The following MCC variants were observed in gnomAD, a reference collection of about 807,000 sequenced individuals.
The protein encoded by MCC is colorectal mutant cancer protein.
A neutral mutation model predicts 116.2 loss-of-function variants in MCC; 90 were observed. That is an observed-to-expected ratio of 0.77 (90% confidence interval 0.65 to 0.92). The LOEUF is 0.92. MCC is among the 40% of genes least tolerant of loss of function. MCC has a pLI of 0.00. For missense variants in MCC, 1,516 were observed against 1,312.2 expected (o/e 1.16, Z -2.40); for synonymous variants, 578 against 510.5 (o/e 1.13, Z -1.78).
intron 3 of MCC, among the ~76,000 whole-genome samples, chr5:113,233,192 T>C (rs571584819): frequency 6.6e-6 from 1 of 152,276 alleles, no homozygotes; most frequent in Admixed American, 6.5e-5. Flanking sequence ...AAACAAACTG[T>C]TTTGGAACCA....
At chr5:113,302,352 A>C (rs1766883263) in intron 3 of MCC, among the ~76,000 whole-genome samples, 1 of 152,190 alleles carries the variant, frequency 6.6e-6, no homozygotes, top group African/African-American at 2.4e-5. Flanking sequence ...ATGAGAAACC[A>C]CCAAAAGAAA....
At chr5:113,044,520 A>G (rs13185006) in intron 16 of MCC, 964,148 of 979,680 alleles carry the variant, frequency 0.98, 474,453 homozygotes, top group East Asian at 1. Context: ...CAAGCTGCAG[A>G]CCTGAGAATA....
intron 2 of MCC, among the ~76,000 whole-genome samples, chr5:113,360,878 T>C (rs1263652649): frequency 1.3e-5 from 2 of 152,320 alleles, no homozygotes; most frequent in African/African-American, 4.8e-5. Context: ...AGTTGCTACC[T>C]GTGCAAAGCA....
intron 3 of MCC, among the ~76,000 whole-genome samples, chr5:113,222,342 C>G (rs1455496278): frequency 6.6e-6 from 1 of 152,082 alleles, no homozygotes; most frequent in African/African-American, 2.4e-5. Flanking sequence ...TTTTTACATC[C>G]ATGTTCACAA....
chr5:113,413,517 G>C (rs2150403797), intron 1 of MCC, among the ~76,000 whole-genome samples: 1 of 152,282 alleles, frequency 6.6e-6, no homozygotes, highest in South Asian at 2.1e-4. Context: ...TATGTGTCCA[G>C]GAATTTATCT....
At chr5:113,381,200 C>T (rs769221651) in intron 2 of MCC, among the ~76,000 whole-genome samples, 23 of 152,070 alleles carry the variant, frequency 1.5e-4, no homozygotes, top group Non-Finnish European at 2.2e-4. Context: ...TACTTTTGCA[C>T]GCGAGACAGT....
At chr5:113,035,645 C>G (rs1409038290) in intron 17 of MCC, among the ~76,000 whole-genome samples, 1 of 152,154 alleles carries the variant, frequency 6.6e-6, no homozygotes, top group Non-Finnish European at 1.5e-5. Flanking sequence ...CAGCCAGGGC[C>G]TCTTCCGGAT....
Position 113,046,710 on chromosome 5 carries a change from A to AAAAAAAAAAAAAAAAAAAAG in MCC, c.2655+2382_2655+2383insCTTTTTTTTTTTTTTTTTTT. The stretch of plus-strand genomic sequence containing the variant: ...CAAAAAAAAAAAAAAAAAAAAAAAA[A>AAAAAAAAAAAAAAAAAAAAG]AGAGAGAGATTTTGAAGGTGTTTGT... On this transcript the variant is annotated intron_variant, in intron 16 of 18. Coordinates refer to ENST00000408903, the MANE Select transcript of MCC (RefSeq NM_001085377.2). Among the ~76,000 whole-genome samples the AAAAAAAAAAAAAAAAAAAAG allele has an allele frequency of 2.9e-3, 302 of 102,432 alleles. 51 individuals carry two copies. Among genetic ancestry groups the AAAAAAAAAAAAAAAAAAAAG allele is most frequent in the Middle Eastern group, 6.0e-3 (1 of 168 alleles). 67.2% of individuals were successfully genotyped at this position (102,432 alleles called of 152,430 possible). A position where few individuals can be genotyped will look rare whatever the true frequency, so the allele number is the denominator to read the frequency against.
rs189934616 is a variant in MCC, at chr5:113,201,659, T to C, written c.628-50237A>G. ...TGAAAGAAATATTAAAAATATGCTC[T>C]AGATTTTATGTCAAGCCTTGATTTT... On this transcript the variant is annotated intron_variant, in intron 3 of 18. Coordinates refer to ENST00000408903, the MANE Select transcript of MCC (RefSeq NM_001085377.2). Among the ~76,000 whole-genome samples, 88 of 152,350 alleles carry C rather than the reference T, an allele frequency of 5.8e-4. 1 individual carries two copies. The highest frequency in any genetic ancestry group is 1.1e-3 in the Non-Finnish European group (74 of 68,040).
intron 1 of MCC, among the ~76,000 whole-genome samples, chr5:113,420,261 A>T (rs2150406859): frequency 6.6e-6 from 1 of 151,888 alleles, no homozygotes; most frequent in East Asian, 1.9e-4. Flanking sequence ...TCCATAGAAG[A>T]AAAAAAGCAA....
chr5:113,156,994 T>A (rs1156787649), intron 3 of MCC, among the ~76,000 whole-genome samples: 1 of 152,238 alleles, frequency 6.6e-6, no homozygotes, highest in Non-Finnish European at 1.5e-5. Context: ...CATGACAGAC[T>A]CTCCCAGGGG....
intron 3 of MCC, among the ~76,000 whole-genome samples, chr5:113,277,429 T>G (rs1460692377): frequency 6.6e-6 from 1 of 152,126 alleles, no homozygotes; most frequent in Non-Finnish European, 1.5e-5. Context: ...TTTTGTTTAC[T>G]CATTTATTTC....
chr5:113,080,708 T>C (rs7714363), intron 11 of MCC, among the ~76,000 whole-genome samples: 51,870 of 151,270 alleles, frequency 0.34, 8,873 homozygotes, highest in Middle Eastern at 0.39. Context: ...ATGTAAATGA[T>C]GAGTTGATGG....
chr5:113,059,028 A>T (rs1356821325), intron 14 of MCC, among the ~76,000 whole-genome samples: 1 of 152,204 alleles, frequency 6.6e-6, no homozygotes, highest in African/African-American at 2.4e-5. Context: ...GAACGCAGGC[A>T]GGCAGAGACT....
intron 1 of MCC, among the ~76,000 whole-genome samples, chr5:113,469,840 G>T (rs1772029749): frequency 6.6e-6 from 1 of 152,128 alleles, no homozygotes; most frequent in Non-Finnish European, 1.5e-5. Flanking sequence ...GGTCACTAAG[G>T]ACTTGCTTTA....
chr5:113,179,300 C>G (rs1490103590), intron 3 of MCC, among the ~76,000 whole-genome samples: 1 of 152,172 alleles, frequency 6.6e-6, no homozygotes, highest in Non-Finnish European at 1.5e-5. Context: ...GTTAATGGTT[C>G]TGACAGATGA....
At chr5:113,420,088 T>G (rs1038274949) in intron 1 of MCC, among the ~76,000 whole-genome samples, 1 of 135,744 alleles carries the variant, frequency 7.4e-6, no homozygotes, top group Non-Finnish European at 1.5e-5. Context: ...TTATATGAAT[T>G]ATATCTCAAT....
At chr5:113,088,300 G>A (rs1755347490) in intron 8 of MCC, among the ~76,000 whole-genome samples, 1 of 151,860 alleles carries the variant, frequency 6.6e-6, no homozygotes, top group African/African-American at 2.4e-5. Flanking sequence ...AGAAACTAAG[G>A]CTAAAGCCAA....
intron 3 of MCC, among the ~76,000 whole-genome samples, chr5:113,152,559 C>T (rs1314832204): frequency 2.6e-5 from 4 of 152,170 alleles, no homozygotes; most frequent in Non-Finnish European, 5.9e-5. Context: ...AAGATGGACA[C>T]AGGACGATGG....
Sources: allele counts gnomAD v4.1 joint callset (sites outside exome capture counted in the v4.1 genomes callset), GRCh38; gene constraint gnomAD v4.1.1; transcripts MANE v1.5; gene names NCBI Gene and HGNC (gene_info 2026-07-23, HGNC 2026-07-21).